DAGLA: variants seen among roughly 807,000 people sequenced by gnomAD.
The protein encoded by DAGLA is diacylglycerol lipase-alpha.
DAGLA carries 22 observed loss-of-function variants against 102.6 expected under a neutral mutation model. The observed-to-expected ratio is 0.21, with a 90% CI of 0.15 to 0.31. The LOEUF is 0.31. Ranked by LOEUF, DAGLA falls within the 10% of genes least tolerant of loss-of-function variation. DAGLA has a pLI of 1.00. For missense variants in DAGLA, 927 were observed against 1,446.6 expected (o/e 0.64, Z 5.83); for synonymous variants, 578 against 628.9 (o/e 0.92, Z 1.21).
intron 1 of DAGLA, among the ~76,000 whole-genome samples, chr11:61,692,875 G>A (rs1414686783): frequency 2.3e-5 from 3 of 129,140 alleles, no homozygotes; most frequent in African/African-American, 8.6e-5. Flanking sequence ...TCACCTTTTA[G>A]TTCAGTAAAA....
chr11:61,712,808 G>A (rs1008225033), intron 1 of DAGLA, among the ~76,000 whole-genome samples: 6 of 152,338 alleles, frequency 3.9e-5, no homozygotes, highest in South Asian at 4.1e-4. Context: ...CCTGGGGTGG[G>A]ACCTGTGGGT....
In DAGLA at chr11:61,720,812, A is replaced by C. The variant is rs1417198920; in HGVS notation, c.229A>C (p.Ile77Leu). ...LSCMIAEMAI[I>L]WLSMRGGILY... The stretch of plus-strand genomic sequence containing the variant: ...CTGCATGATCGCTGAGATGGCCATC[A>C]TCTGGCTGAGCATGCGCGGGGGCAT... The change falls in exon 3 of 20, where the codon ATC (isoleucine) becomes CTC (leucine). Residue 77 changes from isoleucine to leucine, a missense_variant. This residue lies in a region of DAGLA where 231 missense variants were observed against 439.8 expected (regional missense o/e 0.53). Transcript: ENST00000257215. 6.2e-7 allele frequency: 1 copy of C among 1,613,640 alleles called. No homozygotes were observed. Among genetic ancestry groups the C allele is most frequent in the Non-Finnish European group, 8.5e-7 (1 of 1,180,034 alleles).
intron 9 of DAGLA, 100 bp downstream of exon 9, chr11:61,731,541 GCTT>G: frequency 2.7e-6 from 4 of 1,492,558 alleles, no homozygotes; most frequent in South Asian, 1.2e-5. Flanking sequence ...GCCCTGAATG[GCTT>G]CTTTTCTACA....
chr11:61,743,707 C>G lies in DAGLA; in HGVS notation c.2347C>G (p.Leu783Val). The change falls in exon 20 of 20, where the codon CTC (leucine) becomes GTC (valine). Residue 783 changes from leucine (L) to valine (V), a missense_variant. Around this residue, in one of 4 missense-constraint regions of DAGLA, gnomAD observed 434 missense variants for 503.3 expected, o/e 0.86. Coordinates refer to ENST00000257215, the MANE Select transcript of DAGLA (RefSeq NM_006133.3). ...RRAPLATMES[L>V]SDTESLYSFD... is the part of the protein sequence containing the mutation. ...GGCACCACTGGCCACCATGGAGAGC[C>G]TCTCGGACACTGAGTCCCTGTACAG... 1 of 1,607,022 alleles carries G rather than the reference C, an allele frequency of 6.2e-7. No individual in the cohort carries two copies. The highest frequency in any genetic ancestry group is 8.5e-7 in the Non-Finnish European group (1 of 1,177,882).
Position 61,734,724 on chromosome 11 carries a change from AG to A in DAGLA, c.975-122del. On this transcript the variant is annotated intron_variant, in intron 9 of 19. Transcript: ENST00000257215. The surrounding 1 kb of genome is among the most constrained non-coding windows in gnomAD (Gnocchi z 4.2). ...ACGTGGGGGTCACTAGGACTTAGCA[AG>A]GGCAATTTGGTAGAGGCAGTGGGGC... The A allele has an allele frequency of 1.1e-6, 1 of 905,518 alleles. No homozygotes were observed. Among genetic ancestry groups the A allele is most frequent in the Non-Finnish European group, 1.7e-6 (1 of 585,122 alleles). The allele number at this position is 905,518 out of a possible 1,614,324, so 56.1% of individuals were successfully genotyped here.
rs1448152276 is a variant in DAGLA, at chr11:61,684,597, T to G, written c.-45+4093T>G. ...TGGAGGGGATTGGTGTGACCACGGGTAAGGGTGTTTTCATGGGGTGTTTGG... is the reference window on the plus strand; with the variant it reads ...TGGAGGGGATTGGTGTGACCACGGGGAAGGGTGTTTTCATGGGGTGTTTGG... On this transcript the variant is annotated intron_variant, in intron 1 of 19. Transcript: ENST00000257215. This position sits in a 1 kb window ranked among gnomAD's most constrained non-coding sequence, Gnocchi z 4.5. Among the ~76,000 whole-genome samples, 1 of 151,820 alleles carries G rather than the reference T, an allele frequency of 6.6e-6. No homozygotes were observed. The highest frequency in any genetic ancestry group is 1.5e-5 in the Non-Finnish European group (1 of 67,984).
chr11:61,741,105 C>G, intron 18 of DAGLA, 57 bp from the exon 19 acceptor site: 1 of 1,514,510 alleles, frequency 6.6e-7, no homozygotes, highest in Non-Finnish European at 8.9e-7. Flanking sequence ...CACATCGGCC[C>G]CACGATGGGG....
In DAGLA at chr11:61,746,749, CG is replaced by C. The variant is rs911258343; in HGVS notation, c.*2263del. The stretch of plus-strand genomic sequence containing the variant: ...TCCCCAGACCTGCAGCACAAGTGCG[CG>C]GGCCTGTCCTCCCAGGGGCCTGGGC... On this transcript the variant is annotated 3_prime_UTR_variant, in exon 20 of 20. Transcript: ENST00000257215. The C allele has an allele frequency of 6.6e-6, 1 of 152,646 alleles. No homozygotes were observed. The highest frequency in any genetic ancestry group is 1.5e-5 in the Non-Finnish European group (1 of 68,100). 9.5% of individuals were successfully genotyped at this position (152,646 alleles called of 1,614,324 possible).
At position 61,746,956 on chromosome 11, in the gene DAGLA, T is replaced by C. The variant is rs944046131; in HGVS notation, c.*2467T>C. 1 of 152,398 alleles carries C rather than the reference T, an allele frequency of 6.6e-6. No individual in the cohort carries two copies. The highest frequency in any genetic ancestry group is 2.4e-5 in the African/African-American group (1 of 41,440). 9.4% of individuals were successfully genotyped at this position (152,398 alleles called of 1,614,324 possible). Reference sequence around the variant, plus strand: ...CTATAAATATATCTGTATATAAAGGTTTCTGTATATTGTATAGAGCTGTGT... The same window carrying C: ...CTATAAATATATCTGTATATAAAGGCTTCTGTATATTGTATAGAGCTGTGT... On this transcript the variant is annotated 3_prime_UTR_variant, in exon 20 of 20. Coordinates refer to ENST00000257215, the MANE Select transcript of DAGLA (RefSeq NM_006133.3).
rs1205019924 is a variant in DAGLA, at chr11:61,744,874, G to T, written c.*385G>T. The T allele has an allele frequency of 4.7e-6, 1 of 213,824 alleles. No homozygotes were observed. The highest frequency in any genetic ancestry group is 9.4e-6 in the Non-Finnish European group (1 of 106,576). The allele number at this position is 213,824 out of a possible 1,614,324, so 13.2% of individuals were successfully genotyped here. ...TGGCTGCTCTCCCAGGGGCCAGGTG[G>T]AGAGCAGTGCCCCCCGACACATGTA... On this transcript the variant is annotated 3_prime_UTR_variant, in exon 20 of 20. Coordinates refer to ENST00000257215, the MANE Select transcript of DAGLA (RefSeq NM_006133.3).
At position 61,720,897 on chromosome 11, in the gene DAGLA, G is replaced by A. The variant is rs763768642; in HGVS notation, c.307+7G>A. ...GTGCTCTACGTGCGCCTGGGTAAGGGCCACCCACCCTGGGGTGCTGCCCCA... is the reference window on the plus strand; with the variant it reads ...GTGCTCTACGTGCGCCTGGGTAAGGACCACCCACCCTGGGGTGCTGCCCCA... On this transcript the variant is annotated splice_region_variant and intron_variant, in intron 3 of 19. Coordinates refer to ENST00000257215, the MANE Select transcript of DAGLA (RefSeq NM_006133.3). 2.5e-6 allele frequency: 4 copies of A among 1,609,300 alleles called. No homozygotes were observed. The highest frequency in any genetic ancestry group is 3.4e-6 in the Non-Finnish European group (4 of 1,177,638).
In DAGLA at chr11:61,716,940, T is replaced by C. The variant is rs1392100261; in HGVS notation, c.-44-3172T>C. Among the ~76,000 whole-genome samples the C allele has an allele frequency of 2.0e-5, 3 of 152,174 alleles. No homozygotes were observed. The East Asian group carries it at 5.8e-4, about 30-fold the overall frequency. ...TCCTGGCACCCCATTCACACTTGCC[T>C]GTGCTGGGGGTCCAACCAGAGGCAG... On this transcript the variant is annotated intron_variant, in intron 1 of 19. Transcript: ENST00000257215.
Position 61,744,108 on chromosome 11 carries a change from C to T in DAGLA, c.2748C>T (p.Phe916=). ...PSPQVLEFAE[F]IDSLFNLDSK... is the part of the protein sequence containing the mutation. ...CTCAGGTGCTGGAATTCGCCGAGTT[C>T]ATCGACAGCCTCTTCAACCTGGACA... Residue 916 remains phenylalanine, a synonymous_variant, in exon 20 of 20, where the codon TTC becomes TTT. Transcript: ENST00000257215. 6.2e-7 allele frequency: 1 copy of T among 1,613,014 alleles called. No homozygotes were observed. The highest frequency in any genetic ancestry group is 8.5e-7 in the Non-Finnish European group (1 of 1,180,000).
chr11:61,691,844 T>C (rs2065027143), intron 1 of DAGLA, among the ~76,000 whole-genome samples: 1 of 152,226 alleles, frequency 6.6e-6, no homozygotes, highest in Non-Finnish European at 1.5e-5. Context: ...TCCTTTCACC[T>C]CTCAGCTGCA....
At chr11:61,692,904 G>A (rs911144155) in intron 1 of DAGLA, among the ~76,000 whole-genome samples, 3 of 151,752 alleles carry the variant, frequency 2.0e-5, no homozygotes, top group Non-Finnish European at 4.4e-5. Context: ...GGTAGATGCC[G>A]AATGGTCCCA....
intron 1 of DAGLA, among the ~76,000 whole-genome samples, chr11:61,703,316 A>G (rs1285496457): frequency 6.6e-6 from 1 of 152,152 alleles, no homozygotes; most frequent in Non-Finnish European, 1.5e-5. Flanking sequence ...AAGTGCTGAT[A>G]GGAAAACTGA....
intron 16 of DAGLA, 113 bp downstream of exon 16, chr11:61,738,320 C>T: frequency 1.2e-6 from 1 of 851,268 alleles, no homozygotes; most frequent in Admixed American, 2.3e-5. Flanking sequence ...AAGGCCAGGG[C>T]AGGGTGTGGC....
rs755767901 is a variant in DAGLA, at chr11:61,735,780, C to T, written c.1254C>T (p.Pro418=). 3.2e-5 allele frequency: 51 copies of T among 1,612,864 alleles called. No homozygotes were observed. The highest frequency in any genetic ancestry group is 1.3e-4 in the South Asian group (12 of 90,834). The change falls in exon 12 of 20, where the codon CCC becomes CCT. Residue 418 remains proline (P), a synonymous_variant. Coordinates refer to ENST00000257215, the MANE Select transcript of DAGLA (RefSeq NM_006133.3). ...TGACGGGTGATGCTGAGCGCCTCCC[C>T]GTGGAGGGGCACCACGGCACCTGGC... is the stretch of plus-strand genomic sequence containing the variant. ...TDLTGDAERL[P]VEGHHGTWLG...
intron 1 of DAGLA, among the ~76,000 whole-genome samples, chr11:61,698,289 A>G (rs2065082034): frequency 6.6e-6 from 1 of 152,212 alleles, no homozygotes; most frequent in African/African-American, 2.4e-5. Flanking sequence ...GCAGGCTCCC[A>G]TCTGCAGAGG....
Sources: allele counts gnomAD v4.1 joint callset (sites outside exome capture counted in the v4.1 genomes callset), GRCh38; gene constraint gnomAD v4.1.1; regional missense constraint gnomAD v4.1.1; non-coding constraint Gnocchi (gnomAD v3.1); transcripts MANE v1.5; gene names NCBI Gene and HGNC (gene_info 2026-07-23, HGNC 2026-07-21).